ADAMTS17: variants seen among roughly 807,000 people sequenced by gnomAD.
ADAMTS17 encodes the protein A disintegrin and metalloproteinase with thrombospondin motifs 17.
In ADAMTS17, 113 loss-of-function variants were observed where a neutral mutation model predicts 141.5. That is an observed-to-expected ratio of 0.80 (90% confidence interval 0.69 to 0.93). ADAMTS17 has a LOEUF of 0.93. Ranked by LOEUF, ADAMTS17 falls within the 40% of genes least tolerant of loss-of-function variation. ADAMTS17 has a pLI of 0.00. For synonymous variants in ADAMTS17, 768 were observed against 630.6 expected (o/e 1.22, Z -3.27); for missense variants, 1,659 against 1,517.9 (o/e 1.09, Z -1.54).
intron 18 of ADAMTS17, among the ~76,000 whole-genome samples, chr15:100,017,923 A>C (rs1386235386): frequency 6.6e-6 from 1 of 152,186 alleles, no homozygotes; most frequent in Non-Finnish European, 1.5e-5. Flanking sequence ...ATACATAATG[A>C]AATTTACCAT....
chr15:100,163,412 G>T (rs1167031100), intron 8 of ADAMTS17, among the ~76,000 whole-genome samples: 1 of 151,448 alleles, frequency 6.6e-6, no homozygotes, highest in Non-Finnish European at 1.5e-5. Flanking sequence ...GGGTGACTCT[G>T]GTGCTTCATG....
intron 3 of ADAMTS17, among the ~76,000 whole-genome samples, chr15:100,295,378 A>G (rs1471011733): frequency 2.0e-5 from 3 of 152,078 alleles, no homozygotes; most frequent in African/African-American, 7.2e-5. Context: ...GGGGCACTAG[A>G]GGGAGAATGA....
At chr15:100,271,674 C>G (rs558561505) in intron 4 of ADAMTS17, among the ~76,000 whole-genome samples, 1 of 151,914 alleles carries the variant, frequency 6.6e-6, no homozygotes, top group African/African-American at 2.4e-5. Flanking sequence ...CCTCCTATTC[C>G]GTGGGTTGCC....
chr15:100,061,293 C>A (rs1219585561), intron 15 of ADAMTS17, among the ~76,000 whole-genome samples: 1 of 152,170 alleles, frequency 6.6e-6, no homozygotes, highest in Non-Finnish European at 1.5e-5. Context: ...GATGAGACAC[C>A]AAGCCCCCTG....
chr15:99,992,901 T>G, intron 20 of ADAMTS17, 147 bp downstream of exon 20: 1 of 991,650 alleles, frequency 1.0e-6, no homozygotes, highest in Non-Finnish European at 1.5e-6. Flanking sequence ...GGGTCTTGGG[T>G]AGTTGCAGCG....
intron 14 of ADAMTS17, among the ~76,000 whole-genome samples, chr15:100,108,521 G>A (rs1034410327): frequency 6.6e-6 from 1 of 152,116 alleles, no homozygotes; most frequent in African/African-American, 2.4e-5. Flanking sequence ...AACCAGTCAT[G>A]GCCATCCAGC....
intron 15 of ADAMTS17, among the ~76,000 whole-genome samples, chr15:100,095,496 G>GA (rs1333006829): frequency 6.6e-6 from 1 of 152,138 alleles, no homozygotes; most frequent in African/African-American, 2.4e-5. Context: ...CTTGTTGGGG[G>GA]AAAATGAACT....
intron 3 of ADAMTS17, among the ~76,000 whole-genome samples, chr15:100,281,678 A>C (rs1207097029): frequency 6.6e-6 from 1 of 152,186 alleles, no homozygotes; most frequent in Non-Finnish European, 1.5e-5. Flanking sequence ...GCTGAGGGGA[A>C]CAGAGGAGAA....
At chr15:100,070,097 G>A (rs2033859774) in intron 15 of ADAMTS17, among the ~76,000 whole-genome samples, 1 of 150,044 alleles carries the variant, frequency 6.7e-6, no homozygotes, top group South Asian at 2.1e-4. Flanking sequence ...TGCAATCCTA[G>A]TCTGATAAAA....
chr15:100,101,343 G>C (rs1236355454), intron 14 of ADAMTS17, among the ~76,000 whole-genome samples: 3 of 152,206 alleles, frequency 2.0e-5, no homozygotes, highest in East Asian at 1.9e-4. Context: ...CTGTATGTTG[G>C]ACAGGGACAG....
At chr15:100,247,402 G>A (rs1210959571) in intron 7 of ADAMTS17, among the ~76,000 whole-genome samples, 1 of 152,106 alleles carries the variant, frequency 6.6e-6, no homozygotes, top group East Asian at 1.9e-4. Context: ...TTTTGACACC[G>A]CTTTTTGACA....
intron 18 of ADAMTS17, among the ~76,000 whole-genome samples, chr15:100,048,531 C>T: frequency 6.6e-6 from 1 of 151,556 alleles, no homozygotes; most frequent in Non-Finnish European, 1.5e-5. Context: ...TTGTTTCCTT[C>T]TCCACCAAGA....
intron 15 of ADAMTS17, among the ~76,000 whole-genome samples, chr15:100,085,617 C>G (rs370263317): frequency 1.1e-3 from 160 of 151,880 alleles, no homozygotes; most frequent in Admixed American, 2.7e-3. Flanking sequence ...CCCACAAAGG[C>G]AAGCCCATCA....
Position 100,258,257 on chromosome 15 carries a change from G to C in ADAMTS17, c.1031+3222C>G, listed in dbSNP as rs192851621. Among the ~76,000 whole-genome samples, 6 of 152,210 alleles carry C rather than the reference G, an allele frequency of 3.9e-5. No individual in the cohort carries two copies. In the East Asian group the frequency reaches 1.2e-3, roughly 29 times the overall value. ...TCTGGGTTCAGAAGTGGGATCACGT[G>C]GTAACTCTAGTTTTGAGTTTTTGAG... On this transcript the variant is annotated intron_variant, in intron 6 of 21. Coordinates refer to ENST00000268070, the MANE Select transcript of ADAMTS17 (RefSeq NM_139057.4).
At chr15:100,064,235 C>G (rs563752279) in intron 15 of ADAMTS17, among the ~76,000 whole-genome samples, 1 of 152,282 alleles carries the variant, frequency 6.6e-6, no homozygotes, top group Admixed American at 6.5e-5. Context: ...TGCCAGCAAA[C>G]CACCAGAAGT....
intron 2 of ADAMTS17, among the ~76,000 whole-genome samples, chr15:100,338,576 G>A (rs116824657): frequency 1.4e-3 from 219 of 152,262 alleles, no homozygotes; most frequent in African/African-American, 5.1e-3. Context: ...AAGGCTATGT[G>A]GCCCCCAAAG....
chr15:99,997,493 T>G lies in ADAMTS17; in HGVS notation c.2688A>C (p.Thr896=). 6.2e-7 allele frequency: 1 copy of G among 1,613,538 alleles called. No individual in the cohort carries two copies. The highest frequency in any genetic ancestry group is 8.5e-7 in the Non-Finnish European group (1 of 1,179,988). The change falls in exon 19 of 22, where the codon ACA becomes ACC. Residue 896 remains threonine, a synonymous_variant. Transcript: ENST00000268070. This position sits in a 1 kb window ranked among gnomAD's most constrained non-coding sequence, Gnocchi z 4.7. ...AGTAGAGGGGCCGCGTAGCGACGTG[T>G]GTGCCGTTCTGCAGCTGGTACACGC... ...VTCVYQLQNG[T]HVATRPLYCP... is the part of the protein sequence containing the mutation.
chr15:100,076,459 G>T (rs1398422940), intron 15 of ADAMTS17, among the ~76,000 whole-genome samples: 1 of 152,166 alleles, frequency 6.6e-6, no homozygotes, highest in Admixed American at 6.5e-5. Context: ...TTTTTAAAAA[G>T]TCATATGTTT....
Position 99,973,986 on chromosome 15 carries a change from T to TTTCAGAATAAAGCC in ADAMTS17, c.*402_*415dup, listed in dbSNP as rs2060266454. 2.9e-5 allele frequency: 5 copies of TTTCAGAATAAAGCC among 171,794 alleles called. No homozygotes were observed. The highest frequency in any genetic ancestry group is 2.0e-4 in the South Asian group (5 of 24,678). 10.6% of individuals were successfully genotyped at this position (171,794 alleles called of 1,614,324 possible). On this transcript the variant is annotated 3_prime_UTR_variant, in exon 22 of 22. Transcript: ENST00000268070. ...CCCCTCCCTCCATGGTGTCGCCGGC[T>TTTCAGAATAAAGCC]TTCAGAATAAAGCCTTTTCTAGCAT... is the stretch of plus-strand genomic sequence containing the variant.
Sources: allele counts gnomAD v4.1 joint callset (sites outside exome capture counted in the v4.1 genomes callset), GRCh38; gene constraint gnomAD v4.1.1; non-coding constraint Gnocchi (gnomAD v3.1); transcripts MANE v1.5; gene names NCBI Gene and HGNC (gene_info 2026-07-23, HGNC 2026-07-21).